The following PDE4B variants were observed in gnomAD, a reference collection of about 807,000 sequenced individuals.
PDE4B encodes the protein phosphodiesterase 4B.
Under a neutral mutation model 82.2 loss-of-function variants are expected in PDE4B, and 20 were observed. That is an observed-to-expected ratio of 0.24 (90% CI 0.17 to 0.35). PDE4B has a LOEUF of 0.35. PDE4B is among the 10% of genes least tolerant of loss of function. The pLI, the probability that PDE4B is intolerant of heterozygous loss-of-function variation, is 1.00. For synonymous variants in PDE4B, 320 were observed against 318.9 expected, an observed-to-expected ratio of 1.00 and a Z score of -0.04; for missense variants, 655 against 907.2, an observed-to-expected ratio of 0.72 and a Z score of 3.57.
chr1:65,912,416 T>C (rs1240992006), intron 1 of PDE4B, among the ~76,000 whole-genome samples: 1 of 152,146 alleles, frequency 6.6e-6, no homozygotes, highest in Non-Finnish European at 1.5e-5. Flanking sequence ...TGAGTCTTCA[T>C]AAACCAGTAA....
intron 2 of PDE4B, among the ~76,000 whole-genome samples, chr1:65,917,710 C>T (rs148375646): frequency 1.8e-4 from 27 of 152,084 alleles, no homozygotes; most frequent in African/African-American, 6.0e-4. Flanking sequence ...TGTACTTGAA[C>T]GTGGCAGTTC....
At chr1:66,169,324 C>T (rs181996907) in intron 3 of PDE4B, among the ~76,000 whole-genome samples, 17 of 152,242 alleles carry the variant, frequency 1.1e-4, no homozygotes, top group East Asian at 9.6e-4. Context: ...CCTGGGCCAG[C>T]GGTGAAAGTT....
chr1:66,329,993 C>T (rs1054713973), intron 7 of PDE4B, among the ~76,000 whole-genome samples: 2 of 152,128 alleles, frequency 1.3e-5, no homozygotes, highest in South Asian at 2.1e-4. Context: ...GCCAGTCCTG[C>T]GCTGCTCTGG....
chr1:66,212,071 C>T (rs1419065413), intron 3 of PDE4B, among the ~76,000 whole-genome samples: 2 of 152,182 alleles, frequency 1.3e-5, no homozygotes, highest in African/African-American at 2.4e-5. Context: ...CAACTATTTA[C>T]CAAGCCTATG....
At chr1:66,313,644 C>T (rs1168241807) in intron 7 of PDE4B, among the ~76,000 whole-genome samples, 2 of 152,208 alleles carry the variant, frequency 1.3e-5, no homozygotes, top group African/African-American at 2.4e-5. Flanking sequence ...AGTTGGAAAT[C>T]ATCCAAAACA....
Position 65,895,935 on chromosome 1 carries a change from TA to T in PDE4B, c.-70-17308del. On this transcript the variant is annotated intron_variant, in intron 1 of 16. Coordinates refer to ENST00000341517, the MANE Select transcript of PDE4B (RefSeq NM_002600.4). ...ATCTGGGCAAAGATGAAAAAGAAAA[TA>T]ATAATAATAATAATAATAATAATAA... Among the ~76,000 whole-genome samples, 3 of 62,042 alleles carry T rather than the reference TA, an allele frequency of 4.8e-5. No individual in the cohort carries two copies. The South Asian group carries it at 1.9e-3, about 40-fold the overall frequency. The allele number at this position is 62,042 out of a possible 152,430, so 40.7% of individuals were successfully genotyped here. A position where few individuals can be genotyped will look rare whatever the true frequency, so the allele number is the denominator to read the frequency against.
At chr1:65,822,388 A>G (rs1439325431) in intron 1 of PDE4B, among the ~76,000 whole-genome samples, 2 of 152,114 alleles carry the variant, frequency 1.3e-5, no homozygotes, top group Non-Finnish European at 2.9e-5. Context: ...CTTTACATTT[A>G]CATTTTCAAC....
chr1:65,889,510 TA>T (rs34914522), intron 1 of PDE4B, among the ~76,000 whole-genome samples: 1 of 151,736 alleles, frequency 6.6e-6, no homozygotes, highest in African/African-American at 2.4e-5. Flanking sequence ...AGCTAATTGC[TA>T]AAAAAATAAA....
chr1:65,954,220 A>G (rs963139741), intron 3 of PDE4B, among the ~76,000 whole-genome samples: 1 of 151,960 alleles, frequency 6.6e-6, no homozygotes, highest in Non-Finnish European at 1.5e-5. Context: ...TTATCTCATA[A>G]CACTTATTTT....
chr1:66,357,197 C>G (rs1364236598), intron 9 of PDE4B, among the ~76,000 whole-genome samples: 1 of 152,154 alleles, frequency 6.6e-6, no homozygotes, highest in African/African-American at 2.4e-5. Context: ...AAGAGACACT[C>G]ACTACTGGAG....
intron 3 of PDE4B, among the ~76,000 whole-genome samples, chr1:66,191,035 C>T (rs1647758623): frequency 6.6e-6 from 1 of 152,058 alleles, no homozygotes; most frequent in Non-Finnish European, 1.5e-5. Flanking sequence ...TATTTGAAAG[C>T]AAAGAGTTGA....
At chr1:65,979,309 C>T (rs1409623486) in intron 3 of PDE4B, among the ~76,000 whole-genome samples, 1 of 152,164 alleles carries the variant, frequency 6.6e-6, no homozygotes. Flanking sequence ...TGGCGGAGCT[C>T]CTGTTTCTCT....
At chr1:66,183,381 A>G (rs1647112010) in intron 3 of PDE4B, among the ~76,000 whole-genome samples, 1 of 152,218 alleles carries the variant, frequency 6.6e-6, no homozygotes, top group Admixed American at 6.6e-5. Context: ...ACAGCTGAGC[A>G]TTAATGATAA....
intron 3 of PDE4B, among the ~76,000 whole-genome samples, chr1:65,921,905 T>C (rs1647263370): frequency 6.6e-6 from 1 of 152,202 alleles, no homozygotes; most frequent in Non-Finnish European, 1.5e-5. Context: ...TATGGGACTG[T>C]GTGTTCTAGA....
intron 1 of PDE4B, among the ~76,000 whole-genome samples, chr1:65,844,809 T>C (rs1297203678): frequency 6.6e-6 from 1 of 152,198 alleles, no homozygotes; most frequent in East Asian, 1.9e-4. Context: ...TGTGACCAGC[T>C]GGACAGCTTT....
At chr1:65,818,662 A>G (rs1645913311) in intron 1 of PDE4B, among the ~76,000 whole-genome samples, 1 of 124,716 alleles carries the variant, frequency 8.0e-6, no homozygotes, top group Non-Finnish European at 1.6e-5. Context: ...ATATATGCAT[A>G]CATATATATT....
chr1:65,821,851 T>A (rs934360899), intron 1 of PDE4B, among the ~76,000 whole-genome samples: 9 of 152,212 alleles, frequency 5.9e-5, no homozygotes, highest in African/African-American at 1.9e-4. Context: ...ATGTCCATCT[T>A]TTGTATTGTG....
chr1:65,992,119 G>A (rs973107932), intron 3 of PDE4B, among the ~76,000 whole-genome samples: 6 of 152,036 alleles, frequency 3.9e-5, no homozygotes, highest in Non-Finnish European at 8.8e-5. Context: ...ATGCTGTTTT[G>A]GATCTTCTGG....
At chr1:65,820,376 C>G (rs989802472) in intron 1 of PDE4B, among the ~76,000 whole-genome samples, 9 of 152,158 alleles carry the variant, frequency 5.9e-5, no homozygotes, top group Non-Finnish European at 1.0e-4. Flanking sequence ...GTTAGATAGG[C>G]ACTTTTTGCA....
Sources: allele counts gnomAD v4.1 joint callset (sites outside exome capture counted in the v4.1 genomes callset), GRCh38; gene constraint gnomAD v4.1.1; transcripts MANE v1.5; gene names NCBI Gene and HGNC (gene_info 2026-07-23, HGNC 2026-07-21).